Variants in NVL observed in about 807,000 individuals in gnomAD.
The protein encoded by NVL is nuclear VCP like, also known as nuclear valosin-containing protein-like.
A neutral mutation model predicts 110.2 loss-of-function variants in NVL; 84 were observed. The observed-to-expected ratio is 0.76, with a 90% confidence interval of 0.64 to 0.91. The LOEUF is 0.91. Among genes scored for constraint, NVL ranks in the 40% least tolerant of loss-of-function variants. The pLI, the probability that NVL is intolerant of heterozygous loss-of-function variation, is 0.00. For missense variants in NVL, 882 were observed against 1,035.9 expected, an observed-to-expected ratio of 0.85 and a Z score of 2.04; for synonymous variants, 354 against 361.1, an observed-to-expected ratio of 0.98 and a Z score of 0.22.
intron 2 of NVL, among the ~76,000 whole-genome samples, chr1:224,318,592 T>G (rs1233867864): frequency 6.6e-6 from 1 of 150,840 alleles, no homozygotes; most frequent in Non-Finnish European, 1.5e-5. Flanking sequence ...CAGAGCAAGA[T>G]CTCATCTCAA....
At chr1:224,295,960 CAA>C (rs942085228) in intron 11 of NVL, among the ~76,000 whole-genome samples, 3,205 of 41,408 alleles carry the variant, frequency 0.077, 16 homozygotes, top group East Asian at 0.12. Flanking sequence ...GACTCTGTCT[CAA>C]AAAAAAAAAA....
At chr1:224,240,056 G>A (rs890263228) in intron 19 of NVL, among the ~76,000 whole-genome samples, 9 of 137,672 alleles carry the variant, frequency 6.5e-5, no homozygotes. Context: ...CTACCACGCT[G>A]GGTAATTTTT....
rs926699925 is a variant in NVL, at chr1:224,253,734, AAAAAAAAAAAAAAAG to A, written c.2183-3431_2183-3417del. 2.4e-4 allele frequency among the ~76,000 whole-genome samples: 36 copies of A among 150,112 alleles called. 2 individuals are homozygous for A. In the South Asian group the frequency reaches 2.5e-3, roughly 10 times the overall value. On this transcript the variant is annotated intron_variant, in intron 18 of 22. Transcript: ENST00000281701. ...GGGACAGAGCAAGGCTCGGTCTCAAAAAAAAAAAAAAAAAGAAAAGAAAAAAAGAAATTGCCAAAC... is the reference window on the plus strand; with the variant it reads ...GGGACAGAGCAAGGCTCGGTCTCAAAAAAAGAAAAAAAGAAATTGCCAAAC...
intron 13 of NVL, among the ~76,000 whole-genome samples, chr1:224,288,919 A>G (rs1286535588): frequency 2.0e-5 from 3 of 152,208 alleles, no homozygotes; most frequent in African/African-American, 7.2e-5. Flanking sequence ...TATTCACATG[A>G]CTGTCCTCCA....
chr1:224,233,349 C>T, intron 20 of NVL, 60 bp from the exon 21 acceptor site: 5 of 1,336,942 alleles, frequency 3.7e-6, no homozygotes, highest in Non-Finnish European at 5.1e-6. Context: ...CAGAAAAAAA[C>T]CCGGAAAACA....
Position 224,269,142 on chromosome 1 carries a change from T to C in NVL, c.2083-1009A>G, listed in dbSNP as rs1163764359. On this transcript the variant is annotated intron_variant, in intron 17 of 22. Transcript: ENST00000281701. Reference sequence around the variant, plus strand: ...TTACTCTGTAGCCGAGGCTAGAGTGTACTGGTGTGATATCAGCTCACTGCA... The same window carrying C: ...TTACTCTGTAGCCGAGGCTAGAGTGCACTGGTGTGATATCAGCTCACTGCA... Among the ~76,000 whole-genome samples, 3 of 147,490 alleles carry C rather than the reference T, an allele frequency of 2.0e-5. No individual in the cohort carries two copies. The East Asian group carries it at 6.0e-4, about 29-fold the overall frequency.
intron 18 of NVL, among the ~76,000 whole-genome samples, chr1:224,257,671 G>A (rs1419226021): frequency 1.3e-5 from 2 of 152,064 alleles, no homozygotes. Context: ...AAGACTACAG[G>A]CATGCACCAC....
At chr1:224,310,739 T>A (rs1474558099) in intron 5 of NVL, among the ~76,000 whole-genome samples, 1 of 151,302 alleles carries the variant, frequency 6.6e-6, no homozygotes, top group Admixed American at 6.6e-5. Flanking sequence ...CCTTCTCCTC[T>A]CTCTCTCTCT....
Position 224,227,614 on chromosome 1 carries a change from C to G in NVL, c.*12G>C, listed in dbSNP as rs775645439. On this transcript the variant is annotated 3_prime_UTR_variant, in exon 23 of 23. Transcript: ENST00000281701. The stretch of plus-strand genomic sequence containing the variant: ...TGATGGGCTAGCTCCTCTAAGCCGG[C>G]TGCTGGAGACATCACCGGCTGAGGG... 49 of 1,608,978 alleles carry G rather than the reference C, an allele frequency of 3.0e-5. No individual in the cohort carries two copies. The highest frequency in any genetic ancestry group is 3.9e-5 in the Non-Finnish European group (46 of 1,176,840).
At chr1:224,328,126 G>A (rs929301909) in intron 1 of NVL, among the ~76,000 whole-genome samples, 1 of 151,992 alleles carries the variant, frequency 6.6e-6, no homozygotes, top group Admixed American at 6.6e-5. Context: ...GAACATGCGG[G>A]TTTGTTACAT....
chr1:224,250,265 CA>C lies in NVL; in HGVS notation c.2235del (p.Phe745LeufsTer14). On this transcript the variant is annotated frameshift_variant, in exon 19 of 23. Coordinates refer to ENST00000281701, the MANE Select transcript of NVL (RefSeq NM_002533.4). LOFTEE classifies it high-confidence loss of function. ...LRPGRLDKTL[F>X]VGLPPPADRL... is the part of the protein sequence containing the mutation. ...CGATCTGCAGGGGGCGGTAAACCCACAAACAGTGTTTTGTCCAGGCGGCCCG... is the reference window on the plus strand; with the variant it reads ...CGATCTGCAGGGGGCGGTAAACCCACAACAGTGTTTTGTCCAGGCGGCCCG... The C allele has an allele frequency of 6.2e-7, 1 of 1,608,126 alleles. No homozygotes were observed. The highest frequency in any genetic ancestry group is 8.5e-7 in the Non-Finnish European group (1 of 1,177,714).
At chr1:224,227,772 C>T in intron 22 of NVL, 102 bp from the exon 23 acceptor site, 1 of 1,031,156 alleles carries the variant, frequency 9.7e-7, no homozygotes, top group East Asian at 2.6e-5. Context: ...CCCGCAGGAC[C>T]TCAGAATGTG....
intron 2 of NVL, among the ~76,000 whole-genome samples, chr1:224,323,616 A>G (rs2102795136): frequency 6.6e-6 from 1 of 152,326 alleles, no homozygotes; most frequent in South Asian, 2.1e-4. Context: ...CAGGGCCAAT[A>G]AAACCATCCA....
At chr1:224,290,739 T>G (rs1245427388) in intron 12 of NVL, among the ~76,000 whole-genome samples, 1 of 150,624 alleles carries the variant, frequency 6.6e-6, no homozygotes, top group African/African-American at 2.5e-5. Context: ...GAGGCGGAGC[T>G]TGCAGTGAGC....
At position 224,330,131 on chromosome 1, in the gene NVL, G is replaced by T. The variant is rs1345428705; in HGVS notation, c.-4C>A. 2 of 1,613,818 alleles carry T rather than the reference G, an allele frequency of 1.2e-6. No homozygotes were observed. Among genetic ancestry groups the T allele is most frequent in the Non-Finnish European group, 1.7e-6 (2 of 1,179,884 alleles). On this transcript the variant is annotated 5_prime_UTR_variant, in exon 1 of 23. Transcript: ENST00000281701. ...ACCCTGCAGGTCTGGGCTTCATCGC[G>T]TCGGTCTTCCAAGCCACAGCTCGGA...
chr1:224,288,509 A>C (rs1273863646), intron 13 of NVL, among the ~76,000 whole-genome samples: 1 of 152,220 alleles, frequency 6.6e-6, no homozygotes, highest in Non-Finnish European at 1.5e-5. Flanking sequence ...GATAAGTCTA[A>C]AAAACAGGTA....
At chr1:224,273,013 G>A (rs1317124110) in intron 17 of NVL, among the ~76,000 whole-genome samples, 5 of 126,584 alleles carry the variant, frequency 3.9e-5, no homozygotes, top group Non-Finnish European at 6.4e-5. Flanking sequence ...CAGCCTGGGC[G>A]ACAGAGCGAG....
At chr1:224,259,115 G>C (rs1439034318) in intron 18 of NVL, among the ~76,000 whole-genome samples, 15 of 151,108 alleles carry the variant, frequency 9.9e-5, no homozygotes, top group Non-Finnish European at 2.2e-4. Flanking sequence ...TTGAGATAGG[G>C]TCTCACTCTG....
intron 17 of NVL, 76 bp from the exon 18 acceptor site, chr1:224,268,209 A>C (rs1664692976): frequency 2.0e-6 from 2 of 1,024,744 alleles, no homozygotes; most frequent in Admixed American, 2.1e-5. Flanking sequence ...CATAAAAATA[A>C]TACATTTCCC....
Sources: allele counts gnomAD v4.1 joint callset (sites outside exome capture counted in the v4.1 genomes callset), GRCh38; gene constraint gnomAD v4.1.1; transcripts MANE v1.5; gene names NCBI Gene and HGNC (gene_info 2026-07-23, HGNC 2026-07-21).